Variants in PTPRH observed in about 807,000 individuals in gnomAD.
The protein encoded by PTPRH is receptor-type tyrosine-protein phosphatase H.
A neutral mutation model predicts 130.2 loss-of-function variants in PTPRH; 113 were observed. The observed-to-expected ratio is 0.87, with a 90% CI of 0.75 to 1.01. PTPRH has a LOEUF of 1.01. Among genes scored for constraint, PTPRH ranks in the 50% least tolerant of loss-of-function variants. The pLI, the probability that PTPRH is intolerant of heterozygous loss-of-function variation, is 0.00. For synonymous variants in PTPRH, 556 were observed against 577.9 expected, an observed-to-expected ratio of 0.96 and a Z score of 0.54; for missense variants, 1,430 against 1,425.0, an observed-to-expected ratio of 1.00 and a Z score of -0.06.
intron 4 of PTPRH, among the ~76,000 whole-genome samples, chr19:55,204,592 C>A (rs562832914): frequency 3.3e-5 from 5 of 152,072 alleles, no homozygotes; most frequent in South Asian, 4.1e-4. Flanking sequence ...CACTCCCCCC[C>A]ACCCTTTTTC....
intron 12 of PTPRH, among the ~76,000 whole-genome samples, chr19:55,190,634 A>C (rs1298328908): frequency 7.2e-6 from 1 of 139,558 alleles, no homozygotes; most frequent in African/African-American, 2.7e-5. Context: ...TTATATATAT[A>C]TATAATTTTT....
intron 6 of PTPRH, among the ~76,000 whole-genome samples, chr19:55,201,327 C>T (rs548096143): frequency 1.3e-5 from 2 of 150,668 alleles, no homozygotes; most frequent in Non-Finnish European, 3.0e-5. Flanking sequence ...CAGCGAGCTA[C>T]GATCCTGCCA....
chr19:55,203,135 T>C lies in PTPRH; in HGVS notation c.886+647A>G, dbSNP rs552551490. On this transcript the variant is annotated intron_variant, in intron 5 of 19. Transcript: ENST00000376350. ...CAAGGTCAGGAGATCGAGACCATCCTGGCTAACACGGTGAAACCCGTCTCT... is the reference window on the plus strand; with the variant it reads ...CAAGGTCAGGAGATCGAGACCATCCCGGCTAACACGGTGAAACCCGTCTCT... Among the ~76,000 whole-genome samples, 17 of 151,588 alleles carry C rather than the reference T, an allele frequency of 1.1e-4. No individual in the cohort carries two copies. In the South Asian group the frequency reaches 3.5e-3, roughly 32 times the overall value.
rs150317962 is a variant in PTPRH at position 55,205,451 on chromosome 19, G to C, written c.494C>G (p.Thr165Ser). 9 of 1,614,062 alleles carry C rather than the reference G, an allele frequency of 5.6e-6. No homozygotes were observed. The African/African-American group carries it at 1.2e-4, about 22-fold the overall frequency. ...EYTGDGGRAG[T>S]RSTAHTNITV... is the part of the protein sequence containing the mutation. ...GATGTTAGTGTGTGCTGTGCTTCGAGTCCCTGCTCTGCCACCATCTCCAGT... is the reference window on the plus strand; with the variant it reads ...GATGTTAGTGTGTGCTGTGCTTCGACTCCCTGCTCTGCCACCATCTCCAGT... Residue 165 changes from threonine (T) to serine (S), a missense_variant, in exon 4 of 20, where the codon ACT (threonine) becomes AGT (serine). Transcript: ENST00000376350.
At chr19:55,182,649 C>T (rs2086210744) in intron 18 of PTPRH, among the ~76,000 whole-genome samples, 1 of 151,122 alleles carries the variant, frequency 6.6e-6, no homozygotes. Flanking sequence ...GTACTAGCTC[C>T]ATTGTACAAA....
intron 10 of PTPRH, among the ~76,000 whole-genome samples, chr19:55,193,040 G>A (rs2086587549): frequency 6.6e-6 from 1 of 151,500 alleles, no homozygotes; most frequent in Admixed American, 6.6e-5. Context: ...ACCAGCCTGG[G>A]CAACATAACA....
At position 55,185,575 on chromosome 19, in the gene PTPRH, G is replaced by A; in HGVS notation, c.2989C>T (p.Leu997=). ...HGVPSSPDTL[L]AFWRMLRQWL... ...TGCCGAAGCATCCTCCAGAAAGCCA[G>A]CAAGGTGTCTGGGGAGGAGGGAACG... Residue 997 remains leucine, a synonymous_variant, in exon 18 of 20, where the codon CTG becomes TTG. Transcript: ENST00000376350. 6.2e-7 allele frequency: 1 copy of A among 1,614,212 alleles called. No homozygotes were observed. Among genetic ancestry groups the A allele is most frequent in the Non-Finnish European group, 8.5e-7 (1 of 1,180,038 alleles).
intron 4 of PTPRH, among the ~76,000 whole-genome samples, 165 bp from the exon 5 acceptor site, chr19:55,204,213 G>A (rs541105736): frequency 6.6e-5 from 10 of 152,226 alleles, no homozygotes; most frequent in Non-Finnish European, 1.0e-4. Context: ...TCCGCCGTCC[G>A]GGTTCAAGCG....
rs755761720 is a variant in PTPRH at position 55,202,173 on chromosome 19, T to C, written c.1036A>G (p.Thr346Ala). ...GDGGRAGTRS[T>A]AHTNITVDRL... Reference sequence around the variant, plus strand: ...TCCACGGTGATGTTGGTGTGTGCTGTGCTTCGAGTCCCTGCTCTGCCACCA... The same window carrying C: ...TCCACGGTGATGTTGGTGTGTGCTGCGCTTCGAGTCCCTGCTCTGCCACCA... The change falls in exon 6 of 20, where the codon ACA becomes GCA. Residue 346 changes from threonine to alanine, a missense_variant. By Grantham distance (58) the Thr-to-Ala change is moderately conservative (BLOSUM62 0). Coordinates refer to ENST00000376350, the MANE Select transcript of PTPRH (RefSeq NM_002842.5). 1 of 1,614,070 alleles carries C rather than the reference T, an allele frequency of 6.2e-7. No individual in the cohort carries two copies.
At position 55,200,135 on chromosome 19, in the gene PTPRH, G is replaced by C. The variant is rs567888662; in HGVS notation, c.1420+101C>G. The stretch of plus-strand genomic sequence containing the variant: ...ACTTGGAGAGGCAGATGTCTGCAGA[G>C]CCTACGGACTACAGAGCCAGAGCCC... On this transcript the variant is annotated intron_variant, in intron 7 of 19. Coordinates refer to ENST00000376350, the MANE Select transcript of PTPRH (RefSeq NM_002842.5). 5.6e-5 allele frequency: 75 copies of C among 1,331,010 alleles called. No individual in the cohort carries two copies. In the East Asian group the frequency reaches 1.7e-3, roughly 30 times the overall value. 82.4% of individuals were successfully genotyped at this position (1,331,010 alleles called of 1,614,324 possible).
intron 18 of PTPRH, among the ~76,000 whole-genome samples, chr19:55,184,517 G>A (rs180773761): frequency 1.3e-5 from 2 of 151,692 alleles, no homozygotes; most frequent in Middle Eastern, 3.2e-3. Context: ...GGTCAGGTGC[G>A]GTGGCTCACG....
At chr19:55,195,107 C>T (rs144505949) in intron 10 of PTPRH, among the ~76,000 whole-genome samples, 2,293 of 151,958 alleles carry the variant, frequency 0.015, 59 homozygotes, top group African/African-American at 0.051. Context: ...GGTGGATCAC[C>T]GGAGGTCAGG....
intron 6 of PTPRH, among the ~76,000 whole-genome samples, chr19:55,201,561 G>T (rs1199804164): frequency 6.6e-6 from 1 of 152,212 alleles, no homozygotes; most frequent in Non-Finnish European, 1.5e-5. Flanking sequence ...CAACTTTAAT[G>T]AGTTTAAATT....
At chr19:55,189,780 A>G (rs1458657472) in intron 12 of PTPRH, 2 of 454,796 alleles carry the variant, frequency 4.4e-6, no homozygotes, top group Admixed American at 4.7e-5. Flanking sequence ...CAGAAGTTCA[A>G]GACCAGCCTG....
chr19:55,196,360 C>T (rs557143056), intron 10 of PTPRH, among the ~76,000 whole-genome samples, 162 bp downstream of exon 10: 63 of 152,244 alleles, frequency 4.1e-4, no homozygotes, highest in African/African-American at 1.4e-3. Flanking sequence ...TGCACTCCAG[C>T]CTGGACAAGA....
intron 18 of PTPRH, 34 bp downstream of exon 18, chr19:55,185,468 C>T (rs1420564422): frequency 2.5e-6 from 4 of 1,607,896 alleles, no homozygotes; most frequent in Non-Finnish European, 3.4e-6. Context: ...GGGAGCGGTT[C>T]TCTCAAGGGA....
intron 3 of PTPRH, among the ~76,000 whole-genome samples, chr19:55,206,328 CTT>C (rs571836867): frequency 8.9e-5 from 12 of 134,114 alleles, no homozygotes; most frequent in Admixed American, 1.5e-4. Context: ...GTTTTCTTTT[CTT>C]TTTTTTTTTT....
At chr19:55,205,082 C>T (rs966460495) in intron 4 of PTPRH, among the ~76,000 whole-genome samples, 3 of 152,140 alleles carry the variant, frequency 2.0e-5, no homozygotes, top group African/African-American at 7.2e-5. Context: ...CCTACACATT[C>T]CTCTTGGTGC....
rs2086775857 is a variant in PTPRH at position 55,199,021 on chromosome 19, C to T, written c.1421-109G>A. The T allele has an allele frequency of 4.4e-6, 5 of 1,126,218 alleles. No homozygotes were observed. The South Asian group carries it at 1.7e-4, about 37-fold the overall frequency. The allele number at this position is 1,126,218 out of a possible 1,614,324, so 69.8% of individuals were successfully genotyped here. On this transcript the variant is annotated intron_variant, in intron 7 of 19. Coordinates refer to ENST00000376350, the MANE Select transcript of PTPRH (RefSeq NM_002842.5). ...AGCCCAGCTCATCCAGAAACACTTC[C>T]TGGCAGGGCACAGTGGCTCAGGCCT... is the stretch of plus-strand genomic sequence containing the variant.
Sources: gnomAD v4.1 joint callset for allele counts (sites outside exome capture counted in the v4.1 genomes callset) on GRCh38, gnomAD v4.1.1 for gene constraint, MANE v1.5 for transcripts, NCBI Gene and HGNC (gene_info 2026-07-23, HGNC 2026-07-21) for gene names.